The following TDRD5 variants were observed in gnomAD, a reference collection of about 807,000 sequenced individuals.
TDRD5 encodes tudor domain containing 5.
A neutral mutation model predicts 120.6 loss-of-function variants in TDRD5; 41 were observed. The observed-to-expected ratio is 0.34, with a 90% CI of 0.26 to 0.44. The LOEUF is 0.44. Ranked by LOEUF, TDRD5 falls within the 20% of genes least tolerant of loss-of-function variation. The pLI is 1.00. For missense variants in TDRD5, 1,006 were observed against 1,221.2 expected, an observed-to-expected ratio of 0.82 and a Z score of 2.63; for synonymous variants, 430 against 433.7, an observed-to-expected ratio of 0.99 and a Z score of 0.11.
intron 11 of TDRD5, among the ~76,000 whole-genome samples, chr1:179,648,683 T>C (rs1290217676): frequency 6.6e-6 from 1 of 152,052 alleles, no homozygotes; most frequent in African/African-American, 2.4e-5. Flanking sequence ...CTGGAGTTTT[T>C]TAGTCAAACT....
rs141357629 is a variant in TDRD5 at position 179,668,773 on chromosome 1, C to T, written c.2650-421C>T. 2.2e-4 allele frequency among the ~76,000 whole-genome samples: 29 copies of T among 131,288 alleles called. No homozygotes were observed. The South Asian group carries it at 4.4e-3, about 20-fold the overall frequency. 86.1% of individuals were successfully genotyped at this position (131,288 alleles called of 152,430 possible). On this transcript the variant is annotated intron_variant, in intron 16 of 17. Transcript: ENST00000444136. ...TTTTTTTTTTTTTGTGATGGAGTCT[C>T]GCTCTGTCGCCCAGGCTGGAGTGCG...
intron 11 of TDRD5, among the ~76,000 whole-genome samples, chr1:179,642,287 G>T (rs887623330): frequency 6.6e-6 from 1 of 151,582 alleles, no homozygotes; most frequent in Non-Finnish European, 1.5e-5. Flanking sequence ...TTTTGTAGAG[G>T]TGGGGTTTCA....
chr1:179,636,845 G>A (rs1677789394), intron 9 of TDRD5, among the ~76,000 whole-genome samples: 1 of 152,332 alleles, frequency 6.6e-6, no homozygotes, highest in South Asian at 2.1e-4. Flanking sequence ...TTTCCTTGAA[G>A]TGACAAGCTT....
intron 11 of TDRD5, among the ~76,000 whole-genome samples, chr1:179,643,951 AGG>A (rs1338190783): frequency 6.6e-6 from 1 of 152,204 alleles, no homozygotes. Context: ...AGCAGCAAGA[AGG>A]GGGAAAATAC....
At chr1:179,662,677 A>G (rs1208995172) in intron 15 of TDRD5, among the ~76,000 whole-genome samples, 1 of 152,220 alleles carries the variant, frequency 6.6e-6, no homozygotes, top group African/African-American at 2.4e-5. Context: ...AGAAAGCTAT[A>G]TATTCTGGAA....
Position 179,675,724 on chromosome 1 carries a change from A to G in TDRD5, c.2860+6320A>G, listed in dbSNP as rs189884776. ...CAATTTTATTCTACTATGGTCTGAG[A>G]GAGTACTTGATATAACTTCAATTTC... On this transcript the variant is annotated intron_variant, in intron 17 of 17. Coordinates refer to ENST00000444136, the MANE Select transcript of TDRD5 (RefSeq NM_001199085.3). Among the ~76,000 whole-genome samples, 4 of 152,260 alleles carry G rather than the reference A, an allele frequency of 2.6e-5. No individual in the cohort carries two copies. The East Asian group carries it at 7.7e-4, about 29-fold the overall frequency.
At chr1:179,662,004 T>C in intron 14 of TDRD5, 100 bp from the exon 15 acceptor site, 1 of 1,127,186 alleles carries the variant, frequency 8.9e-7, no homozygotes, top group Non-Finnish European at 1.2e-6. Context: ...CAAACTGTCA[T>C]CTTTACCTGG....
intron 4 of TDRD5, among the ~76,000 whole-genome samples, chr1:179,610,776 G>A (rs184381439): frequency 2.7e-4 from 41 of 151,826 alleles, no homozygotes; most frequent in East Asian, 5.8e-4. Context: ...TTTTTAAGAC[G>A]GGTCTCCCCT....
chr1:179,635,113 C>T (rs1478584926), intron 8 of TDRD5, among the ~76,000 whole-genome samples: 2 of 152,056 alleles, frequency 1.3e-5, no homozygotes, highest in Admixed American at 6.6e-5. Context: ...TTTTTCCCTT[C>T]TACCCTTTCT....
intron 4 of TDRD5, among the ~76,000 whole-genome samples, chr1:179,596,932 G>A (rs910569227): frequency 6.6e-6 from 1 of 152,166 alleles, no homozygotes; most frequent in African/African-American, 2.4e-5. Context: ...ATGTATGAGA[G>A]TTGTAGTTGT....
At chr1:179,636,131 C>G (rs757212813) in intron 9 of TDRD5, among the ~76,000 whole-genome samples, 8 of 151,802 alleles carry the variant, frequency 5.3e-5, no homozygotes, top group Non-Finnish European at 1.0e-4. Context: ...TTGTTTTATC[C>G]TTTTGTAGAT....
chr1:179,626,643 G>A (rs957880907), intron 6 of TDRD5, among the ~76,000 whole-genome samples: 5 of 152,158 alleles, frequency 3.3e-5, no homozygotes, highest in African/African-American at 1.2e-4. Context: ...GTATATAAAA[G>A]ATAAGATGGG....
intron 9 of TDRD5, among the ~76,000 whole-genome samples, chr1:179,637,119 T>C (rs1005779707): frequency 2.0e-5 from 3 of 152,250 alleles, no homozygotes; most frequent in African/African-American, 7.2e-5. Flanking sequence ...ATTGTTGTCA[T>C]AGAAGAATAA....
chr1:179,659,559 G>A (rs1679177638), intron 14 of TDRD5, among the ~76,000 whole-genome samples: 1 of 129,962 alleles, frequency 7.7e-6, no homozygotes, highest in Non-Finnish European at 1.7e-5. Flanking sequence ...TCGTGTGTGT[G>A]TGTGTGTGTG....
At chr1:179,654,901 T>A (rs1678920661) in intron 14 of TDRD5, among the ~76,000 whole-genome samples, 1 of 152,174 alleles carries the variant, frequency 6.6e-6, no homozygotes, top group South Asian at 2.1e-4. Context: ...CTTGGGGTGG[T>A]CTTCAAGAAT....
At chr1:179,651,378 G>T (rs1413021505) in intron 12 of TDRD5, among the ~76,000 whole-genome samples, 1 of 152,106 alleles carries the variant, frequency 6.6e-6, no homozygotes, top group Non-Finnish European at 1.5e-5. Context: ...GCAGAGAATT[G>T]CTTGAACCTG....
chr1:179,622,538 TA>T (rs780419514), intron 6 of TDRD5, among the ~76,000 whole-genome samples: 12 of 152,098 alleles, frequency 7.9e-5, no homozygotes, highest in African/African-American at 1.7e-4. Flanking sequence ...TATAAAGGAA[TA>T]AGTATTCAGA....
At chr1:179,632,890 A>T (rs1164798647) in intron 7 of TDRD5, among the ~76,000 whole-genome samples, 3 of 152,214 alleles carry the variant, frequency 2.0e-5, no homozygotes, top group South Asian at 4.1e-4. Flanking sequence ...TACCTTAGAC[A>T]TGCTCAGAAC....
intron 17 of TDRD5, among the ~76,000 whole-genome samples, chr1:179,674,691 T>G (rs1416319310): frequency 6.6e-6 from 1 of 152,170 alleles, no homozygotes; most frequent in Non-Finnish European, 1.5e-5. Flanking sequence ...TGTTGACAGT[T>G]TTTTTTATTA....
Sources: allele counts gnomAD v4.1 joint callset (sites outside exome capture counted in the v4.1 genomes callset), GRCh38; gene constraint gnomAD v4.1.1; transcripts MANE v1.5; gene names NCBI Gene and HGNC (gene_info 2026-07-23, HGNC 2026-07-21).